DENND1B: variants seen among roughly 807,000 people sequenced by gnomAD.
DENND1B encodes DENN domain-containing protein 1B.
In DENND1B, 59 loss-of-function variants were observed where a neutral mutation model predicts 90.1. That is an observed-to-expected ratio of 0.65 (90% CI 0.53 to 0.81). The LOEUF (loss-of-function observed/expected upper bound fraction) is 0.81. DENND1B is among the 40% of genes least tolerant of loss of function. The pLI is 0.00. For synonymous variants in DENND1B, 337 were observed against 324.6 expected (o/e 1.04, Z -0.41); for missense variants, 862 against 912.6 (o/e 0.94, Z 0.71).
intron 2 of DENND1B, among the ~76,000 whole-genome samples, chr1:197,722,714 G>C (rs1160547419): frequency 6.6e-6 from 1 of 151,976 alleles, no homozygotes; most frequent in African/African-American, 2.4e-5. Context: ...TTCACACAAA[G>C]ACCTCACAGA....
intron 16 of DENND1B, among the ~76,000 whole-genome samples, chr1:197,550,676 G>GACA (rs760417700): frequency 6.7e-6 from 1 of 149,740 alleles, no homozygotes; most frequent in South Asian, 2.1e-4. Context: ...GTGAGGGGGG[G>GACA]GGGGAGGGAT....
In DENND1B at chr1:197,543,531, C is replaced by A. The variant is rs531238358; in HGVS notation, c.1350+2391G>T. On this transcript the variant is annotated intron_variant, in intron 18 of 22. Coordinates refer to ENST00000620048, the MANE Select transcript of DENND1B (RefSeq NM_001195215.2). ...TAGAATCTTAAATGAATGTGAGAAACAAGGATCAACATTACTTTGCTTTTT... is the reference window on the plus strand; with the variant it reads ...TAGAATCTTAAATGAATGTGAGAAAAAAGGATCAACATTACTTTGCTTTTT... Among the ~76,000 whole-genome samples the A allele has an allele frequency of 6.6e-5, 10 of 152,120 alleles. No homozygotes were observed. In the South Asian group the frequency reaches 2.1e-3, roughly 32 times the overall value.
chr1:197,552,605 T>C, intron 16 of DENND1B: 2 of 990,948 alleles, frequency 2.0e-6, no homozygotes, highest in Non-Finnish European at 2.4e-6. Flanking sequence ...TAAAGAATTT[T>C]GGTGTTCAGA....
chr1:197,662,277 A>G (rs1331545541), intron 5 of DENND1B, among the ~76,000 whole-genome samples: 1 of 152,116 alleles, frequency 6.6e-6, no homozygotes, highest in Non-Finnish European at 1.5e-5. Context: ...TCTAAGAATC[A>G]TAGAATTTAT....
chr1:197,618,175 G>A (rs939259274), intron 10 of DENND1B, among the ~76,000 whole-genome samples: 8 of 151,220 alleles, frequency 5.3e-5, no homozygotes, highest in Non-Finnish European at 1.2e-4. Context: ...GCTCCTGAGG[G>A]ATATCATTAG....
At chr1:197,714,350 C>T (rs996810328) in intron 3 of DENND1B, among the ~76,000 whole-genome samples, 4 of 151,930 alleles carry the variant, frequency 2.6e-5, no homozygotes, top group Non-Finnish European at 1.5e-5. Flanking sequence ...ACATATAAAG[C>T]AACATCAAAA....
At chr1:197,665,330 A>G (rs972670469) in intron 5 of DENND1B, among the ~76,000 whole-genome samples, 4 of 152,202 alleles carry the variant, frequency 2.6e-5, no homozygotes, top group South Asian at 2.1e-4. Flanking sequence ...AGATTACAGT[A>G]ATTTCAAGTC....
At chr1:197,702,835 G>C (rs1221305987) in intron 3 of DENND1B, among the ~76,000 whole-genome samples, 2 of 152,056 alleles carry the variant, frequency 1.3e-5, no homozygotes, top group Non-Finnish European at 2.9e-5. Flanking sequence ...TAGTTACTTA[G>C]ATTAAAAGTT....
chr1:197,602,785 C>T (rs1229209785), intron 13 of DENND1B, among the ~76,000 whole-genome samples: 2 of 151,164 alleles, frequency 1.3e-5, no homozygotes. Context: ...CAAACTTATC[C>T]CCAAATTAAT....
At chr1:197,725,661 A>T (rs1166024811) in intron 2 of DENND1B, among the ~76,000 whole-genome samples, 1 of 152,010 alleles carries the variant, frequency 6.6e-6, no homozygotes, top group African/African-American at 2.4e-5. Context: ...ATTTGTTCAT[A>T]TGAAAAAAAA....
chr1:197,706,233 AG>A (rs1488294786), intron 3 of DENND1B, among the ~76,000 whole-genome samples: 2 of 152,222 alleles, frequency 1.3e-5, no homozygotes, highest in Non-Finnish European at 2.9e-5. Flanking sequence ...GACATAAGAA[AG>A]GAACCTGCTC....
At chr1:197,571,675 C>A (rs1216271990) in intron 15 of DENND1B, among the ~76,000 whole-genome samples, 1 of 152,150 alleles carries the variant, frequency 6.6e-6, no homozygotes, top group Non-Finnish European at 1.5e-5. Flanking sequence ...AGCTTCATAA[C>A]AGAAGGCTAC....
chr1:197,764,620 T>A (rs1655477765), intron 2 of DENND1B, among the ~76,000 whole-genome samples: 1 of 152,212 alleles, frequency 6.6e-6, no homozygotes, highest in Non-Finnish European at 1.5e-5. Flanking sequence ...CAGTTACAGA[T>A]ACATTTGACC....
In DENND1B at chr1:197,607,105, A is replaced by G; in HGVS notation, c.889T>C (p.Phe297Leu). Residue 297 changes from phenylalanine (F) to leucine (L), a missense_variant, in exon 13 of 23, where the codon TTT becomes CTT. Physicochemically the swap from Phe to Leu is conservative, Grantham distance 22. Transcript: ENST00000620048. ...NVDTNTLESP[F>L]SDLNNLPSDV... ...CTTGGTAGGTTGTTCAAGTCACTAA[A>G]TGGTGATTCTAATGTGTTTGTATCA... 1 of 1,606,420 alleles carries G rather than the reference A, an allele frequency of 6.2e-7. No individual in the cohort carries two copies. The highest frequency in any genetic ancestry group is 1.7e-5 in the Admixed American group (1 of 59,470).
intron 18 of DENND1B, among the ~76,000 whole-genome samples, chr1:197,544,095 G>A (rs1670539009): frequency 6.6e-6 from 1 of 152,130 alleles, no homozygotes; most frequent in Non-Finnish European, 1.5e-5. Flanking sequence ...TATTGAGAGA[G>A]AAATGTACAC....
In DENND1B at chr1:197,560,024, T is replaced by C. The variant is rs143772650; in HGVS notation, c.1150-6912A>G. Among the ~76,000 whole-genome samples, 334 of 152,012 alleles carry C rather than the reference T, an allele frequency of 2.2e-3. 2 individuals carry two copies. Among genetic ancestry groups the C allele is most frequent in the African/African-American group, 7.7e-3 (321 of 41,518 alleles). ...CAGGCTCCAGTATACTAAATTAGAC[T>C]ACCATGGTATCATGAACAGGAAAAC... On this transcript the variant is annotated intron_variant, in intron 15 of 22. Coordinates refer to ENST00000620048, the MANE Select transcript of DENND1B (RefSeq NM_001195215.2).
intron 3 of DENND1B, among the ~76,000 whole-genome samples, chr1:197,687,182 G>A (rs960303492): frequency 1.1e-4 from 17 of 152,152 alleles, no homozygotes; most frequent in Admixed American, 1.0e-3. Context: ...CTTAAAAGCC[G>A]TGGAACCTCA....
intron 20 of DENND1B, among the ~76,000 whole-genome samples, chr1:197,529,286 A>G (rs1669437729): frequency 1.4e-5 from 2 of 145,732 alleles, no homozygotes; most frequent in African/African-American, 5.1e-5. Flanking sequence ...ATATATGTAT[A>G]TATATGTATA....
chr1:197,581,701 T>C (rs1674256685), intron 15 of DENND1B, among the ~76,000 whole-genome samples: 1 of 152,198 alleles, frequency 6.6e-6, no homozygotes, highest in African/African-American at 2.4e-5. Context: ...AAAAAATTAC[T>C]GTTTTATTAA....
Sources: allele counts gnomAD v4.1 joint callset (sites outside exome capture counted in the v4.1 genomes callset), GRCh38; gene constraint gnomAD v4.1.1; transcripts MANE v1.5; gene names NCBI Gene and HGNC (gene_info 2026-07-23, HGNC 2026-07-21).